CARMIL1: variants seen among roughly 807,000 people sequenced by gnomAD.
CARMIL1 encodes the protein capping protein regulator and myosin 1 linker 1.
In CARMIL1, 90 loss-of-function variants were observed where a neutral mutation model predicts 177.1. That is an observed-to-expected ratio of 0.51 (90% CI 0.43 to 0.61). The LOEUF (loss-of-function observed/expected upper bound fraction) is 0.61. Ranked by LOEUF, CARMIL1 falls within the 20% of genes least tolerant of loss-of-function variation. The probability of loss-of-function intolerance (pLI) is 0.00; values close to 1 mark genes in which losing one functional copy is unlikely to be tolerated. For synonymous variants in CARMIL1, 577 were observed against 606.2 expected, an observed-to-expected ratio of 0.95 and a Z score of 0.71; for missense variants, 1,380 against 1,667.0, an observed-to-expected ratio of 0.83 and a Z score of 3.00.
chr6:25,279,914 C>G, intron 1 of CARMIL1, 79 bp downstream of exon 1: 1 of 1,523,548 alleles, frequency 6.6e-7, no homozygotes, highest in Non-Finnish European at 9.1e-7. Context: ...CCTCTGCTTT[C>G]CCGCAGGTCT....
At chr6:25,450,735 C>G in intron 8 of CARMIL1, 24 bp downstream of exon 8, 3 of 1,395,576 alleles carry the variant, frequency 2.1e-6, no homozygotes, top group Non-Finnish European at 2.9e-6. Context: ...TTCCTTCTTT[C>G]CTCCTTTCCT....
At chr6:25,406,584 G>C (rs1794396488) in intron 2 of CARMIL1, among the ~76,000 whole-genome samples, 1 of 152,160 alleles carries the variant, frequency 6.6e-6, no homozygotes, top group Admixed American at 6.5e-5. Flanking sequence ...CATAGTAGTA[G>C]AGATGGAGAG....
At chr6:25,380,848 T>C (rs899269031) in intron 2 of CARMIL1, among the ~76,000 whole-genome samples, 2 of 147,482 alleles carry the variant, frequency 1.4e-5, no homozygotes, top group African/African-American at 5.0e-5. Context: ...TTTTGCCAGA[T>C]GTGGACTCAT....
intron 32 of CARMIL1, among the ~76,000 whole-genome samples, chr6:25,596,850 G>GAGACAC (rs1554232499): frequency 5.4e-5 from 8 of 149,056 alleles, no homozygotes; most frequent in Non-Finnish European, 1.0e-4. Flanking sequence ...CAAACACACA[G>GAGACAC]ACACACACAC....
In CARMIL1 at chr6:25,437,721, T is replaced by G. The variant is rs541424798; in HGVS notation, c.371+2117T>G. On this transcript the variant is annotated intron_variant, in intron 5 of 36. Coordinates refer to ENST00000329474, the MANE Select transcript of CARMIL1 (RefSeq NM_017640.6). ...TTTCTGTCTCAATTAATGGCATTGT[T>G]GTTCACATAGTCTCACAAGTTAAAA... 6.4e-4 allele frequency among the ~76,000 whole-genome samples: 97 copies of G among 152,360 alleles called. 3 individuals carry two copies. In the South Asian group the frequency reaches 0.019, roughly 31 times the overall value.
At chr6:25,608,446 C>A (rs1816192878) in intron 35 of CARMIL1, among the ~76,000 whole-genome samples, 1 of 152,188 alleles carries the variant, frequency 6.6e-6, no homozygotes. Flanking sequence ...CAGGCATCCA[C>A]TGGAGGTCTT....
At chr6:25,481,180 A>G (rs1184855029) in intron 11 of CARMIL1, among the ~76,000 whole-genome samples, 1 of 151,852 alleles carries the variant, frequency 6.6e-6, no homozygotes. Context: ...GGATTAGCAT[A>G]CTCAAGTCTC....
At chr6:25,322,915 G>T (rs2744301) in intron 2 of CARMIL1, among the ~76,000 whole-genome samples, 8,748 of 152,176 alleles carry the variant, frequency 0.057, 296 homozygotes, top group African/African-American at 0.092. Context: ...TTGTGTCTAG[G>T]TTGCTCCATT....
intron 2 of CARMIL1, among the ~76,000 whole-genome samples, chr6:25,399,510 G>C (rs1292836923): frequency 1.3e-5 from 2 of 152,216 alleles, no homozygotes; most frequent in Non-Finnish European, 2.9e-5. Context: ...TGGCAAAAAT[G>C]TCAGAGGCAT....
chr6:25,491,695 C>A, intron 13 of CARMIL1, 37 bp from the exon 14 acceptor site: 1 of 1,382,076 alleles, frequency 7.2e-7, no homozygotes, highest in South Asian at 1.3e-5. Flanking sequence ...GTGTGTGTTT[C>A]TAGAATCCTA....
Position 25,554,528 on chromosome 6 carries a change from A to C in CARMIL1, c.2592+432A>C, listed in dbSNP as rs1476176090. Among the ~76,000 whole-genome samples, 2 of 152,240 alleles carry C rather than the reference A, an allele frequency of 1.3e-5. No homozygotes were observed. The highest frequency in any genetic ancestry group is 4.8e-5 in the African/African-American group (2 of 41,466). On this transcript the variant is annotated intron_variant, in intron 28 of 36. Coordinates refer to ENST00000329474, the MANE Select transcript of CARMIL1 (RefSeq NM_017640.6). The surrounding 1 kb of genome is among the most constrained non-coding windows in gnomAD (Gnocchi z 4.6). ...TGCAAGAACAAAATGGGCATAATTT[A>C]GTAATGGATAGCTGCTGACTGCCCC... is the stretch of plus-strand genomic sequence containing the variant.
chr6:25,382,023 A>G (rs953987885), intron 2 of CARMIL1, among the ~76,000 whole-genome samples: 55 of 152,078 alleles, frequency 3.6e-4, no homozygotes, highest in African/African-American at 1.2e-3. Context: ...TGAACAAGAG[A>G]CACTCTTCTC....
chr6:25,364,622 G>A (rs1343974009), intron 2 of CARMIL1, among the ~76,000 whole-genome samples: 1 of 151,284 alleles, frequency 6.6e-6, no homozygotes, highest in Non-Finnish European at 1.5e-5. Flanking sequence ...GGAGTGCAGT[G>A]GCGCGATCTT....
chr6:25,368,631 T>A (rs1790081981), intron 2 of CARMIL1, among the ~76,000 whole-genome samples: 1 of 152,204 alleles, frequency 6.6e-6, no homozygotes, highest in South Asian at 2.1e-4. Context: ...CCCACCTGAT[T>A]GGCAGTTCTG....
chr6:25,433,186 C>T (rs1190929463), intron 4 of CARMIL1: 1 of 152,128 alleles, frequency 6.6e-6, no homozygotes, highest in African/African-American at 2.4e-5. Context: ...TTTCTTCCTC[C>T]ACCTGTCACC....
intron 5 of CARMIL1, among the ~76,000 whole-genome samples, chr6:25,440,939 G>A (rs1333885835): frequency 1.3e-5 from 2 of 151,944 alleles, no homozygotes; most frequent in African/African-American, 4.8e-5. Flanking sequence ...GGAACCAGGT[G>A]AATCAGGAGG....
chr6:25,482,177 ATTAAG>A (rs780787829), intron 11 of CARMIL1, 75 bp from the exon 12 acceptor site: 52 of 709,650 alleles, frequency 7.3e-5, no homozygotes, highest in Middle Eastern at 5.1e-4. Flanking sequence ...CAGAATCAAA[ATTAAG>A]TTAATTTTCA....
At chr6:25,397,930 T>C (rs1793560802) in intron 2 of CARMIL1, among the ~76,000 whole-genome samples, 1 of 152,164 alleles carries the variant, frequency 6.6e-6, no homozygotes, top group Non-Finnish European at 1.5e-5. Flanking sequence ...ATGCTTTCTG[T>C]GTCTGTGTGT....
intron 32 of CARMIL1, among the ~76,000 whole-genome samples, chr6:25,597,527 C>T (rs1346525597): frequency 6.6e-6 from 1 of 152,156 alleles, no homozygotes; most frequent in African/African-American, 2.4e-5. Context: ...TGACTTATCT[C>T]CTAAATCTCC....
Sources: allele counts gnomAD v4.1 joint callset (sites outside exome capture counted in the v4.1 genomes callset), GRCh38; gene constraint gnomAD v4.1.1; non-coding constraint Gnocchi (gnomAD v3.1); transcripts MANE v1.5; gene names NCBI Gene and HGNC (gene_info 2026-07-23, HGNC 2026-07-21).